The following ASCC3 variants were observed in gnomAD, a reference collection of about 807,000 sequenced individuals.
ASCC3 encodes the protein ASC-1 complex subunit P200.
ASCC3 carries 158 observed loss-of-function variants against 256.3 expected under a neutral mutation model. That is an observed-to-expected ratio of 0.62 (90% CI 0.54 to 0.70). ASCC3 has a LOEUF of 0.70. ASCC3 is among the 30% of genes least tolerant of loss of function. The probability of loss-of-function intolerance (pLI) is 0.00; values close to 1 mark genes in which losing one functional copy is unlikely to be tolerated. For missense variants in ASCC3, 2,259 were observed against 2,626.0 expected, an observed-to-expected ratio of 0.86 and a Z score of 3.05; for synonymous variants, 948 against 883.4, an observed-to-expected ratio of 1.07 and a Z score of -1.30.
At chr6:100,569,138 C>T (rs1409887357) in intron 36 of ASCC3, among the ~76,000 whole-genome samples, 1 of 151,980 alleles carries the variant, frequency 6.6e-6, no homozygotes, top group Admixed American at 6.6e-5. Context: ...CTTTAATACA[C>T]CTTGAGCTAA....
chr6:100,766,453 T>C (rs759678104), intron 10 of ASCC3, 112 bp downstream of exon 10: 245 of 1,146,672 alleles, frequency 2.1e-4, no homozygotes, highest in Admixed American at 4.4e-4. Flanking sequence ...AAGTTCACTA[T>C]ATTATGTTTG....
At chr6:100,709,962 C>T (rs776912168) in intron 13 of ASCC3, among the ~76,000 whole-genome samples, 5 of 152,072 alleles carry the variant, frequency 3.3e-5, no homozygotes, top group Admixed American at 2.0e-4. Flanking sequence ...CCCACTCTTA[C>T]GGAAAACGAA....
chr6:100,517,888 T>C, intron 38 of ASCC3, 103 bp downstream of exon 38: 3 of 1,260,002 alleles, frequency 2.4e-6, no homozygotes, highest in Non-Finnish European at 3.4e-6. Context: ...TCCATGTCAA[T>C]AATCAGTATT....
chr6:100,726,583 A>C (rs2115041165), intron 10 of ASCC3, among the ~76,000 whole-genome samples: 1 of 152,114 alleles, frequency 6.6e-6, no homozygotes, highest in South Asian at 2.1e-4. Flanking sequence ...AGCATTTTGG[A>C]TTTCAGATTT....
chr6:100,540,293 T>G lies in ASCC3; in HGVS notation c.5645A>C (p.His1882Pro), dbSNP rs538848203. Residue 1882 changes from histidine to proline, a missense_variant, in exon 37 of 42, where the codon CAT (histidine) becomes CCT (proline). By Grantham distance (77) the His-to-Pro change is moderately conservative. Coordinates refer to ENST00000369162, the MANE Select transcript of ASCC3 (RefSeq NM_006828.4). ...TTTGGTGTGAGGGCTGTCAAATGAA[T>G]GAGGATTTGATTCAATGGGAAGACA... ...AKCLPIESNP[H>P]SFDSPHTKAH... 1 of 1,613,852 alleles carries G rather than the reference T, an allele frequency of 6.2e-7. No homozygotes were observed. The highest frequency in any genetic ancestry group is 2.2e-5 in the East Asian group (1 of 44,862).
At chr6:100,862,055 G>C (rs1414196849) in intron 3 of ASCC3, among the ~76,000 whole-genome samples, 2 of 152,062 alleles carry the variant, frequency 1.3e-5, no homozygotes, top group Non-Finnish European at 2.9e-5. Context: ...TTTTTGAAAA[G>C]TACTTTAGTC....
intron 5 of ASCC3, among the ~76,000 whole-genome samples, chr6:100,805,373 G>C (rs1770123399): frequency 6.6e-6 from 1 of 152,190 alleles, no homozygotes; most frequent in Admixed American, 6.6e-5. Context: ...GAGCGAGAGG[G>C]AGTAGGGAAA....
chr6:100,850,620 G>A (rs1043389325), intron 3 of ASCC3, among the ~76,000 whole-genome samples: 1 of 152,144 alleles, frequency 6.6e-6, no homozygotes, highest in Non-Finnish European at 1.5e-5. Context: ...ATGTGTAGAA[G>A]ATTAACAGTT....
chr6:100,818,873 A>G (rs556687509), intron 4 of ASCC3, among the ~76,000 whole-genome samples: 39 of 152,264 alleles, frequency 2.6e-4, no homozygotes, highest in African/African-American at 6.7e-4. Context: ...AGATCAATAT[A>G]CAAAAATCAA....
intron 36 of ASCC3, among the ~76,000 whole-genome samples, chr6:100,581,955 G>T (rs935060996): frequency 1.9e-4 from 29 of 151,912 alleles, no homozygotes; most frequent in African/African-American, 6.5e-4. Flanking sequence ...CTCTGTTTTG[G>T]TACCAGTACC....
intron 10 of ASCC3, among the ~76,000 whole-genome samples, chr6:100,743,140 TG>T (rs1281510927): frequency 6.6e-6 from 1 of 152,080 alleles, no homozygotes; most frequent in Non-Finnish European, 1.5e-5. Context: ...GTTTCCCAGG[TG>T]GGGTCACACA....
chr6:100,747,245 G>C (rs890876559), intron 10 of ASCC3, among the ~76,000 whole-genome samples: 4 of 151,588 alleles, frequency 2.6e-5, no homozygotes, highest in Admixed American at 2.6e-4. Flanking sequence ...AAATTACAAA[G>C]AGTACTCATA....
At chr6:100,607,659 C>T (rs1582546862) in intron 30 of ASCC3, among the ~76,000 whole-genome samples, 1 of 151,554 alleles carries the variant, frequency 6.6e-6, no homozygotes, top group African/African-American at 2.4e-5. Context: ...TCCCTAAAGC[C>T]CTGTAATAGT....
At chr6:100,741,126 T>C (rs1337976267) in intron 10 of ASCC3, among the ~76,000 whole-genome samples, 1 of 152,212 alleles carries the variant, frequency 6.6e-6, no homozygotes, top group East Asian at 1.9e-4. Flanking sequence ...ATCTTCTTTC[T>C]CCTTTGCTTA....
intron 3 of ASCC3, among the ~76,000 whole-genome samples, chr6:100,854,619 G>C (rs1405088136): frequency 6.6e-6 from 1 of 152,108 alleles, no homozygotes; most frequent in African/African-American, 2.4e-5. Context: ...TTAATTTTAT[G>C]TACATTCGTT....
intron 13 of ASCC3, among the ~76,000 whole-genome samples, chr6:100,699,742 G>A (rs1228163306): frequency 2.6e-5 from 4 of 152,300 alleles, no homozygotes; most frequent in African/African-American, 9.6e-5. Context: ...GGTGGTCTTA[G>A]ATGGAGATGA....
chr6:100,865,645 T>C (rs952909669), intron 2 of ASCC3, among the ~76,000 whole-genome samples: 2 of 152,178 alleles, frequency 1.3e-5, no homozygotes, highest in African/African-American at 2.4e-5. Context: ...CTATTAGTTA[T>C]AAAACTGCAT....
chr6:100,599,628 A>AT lies in ASCC3; in HGVS notation c.5303+2181dup, dbSNP rs1231709728. ...AGGGTATACAGTGCTGCTTTGTACTATTTTTTTTTTTTGCAATTTAAAATA... is the reference window on the plus strand; with the variant it reads ...AGGGTATACAGTGCTGCTTTGTACTATTTTTTTTTTTTTGCAATTTAAAATA... On this transcript the variant is annotated intron_variant, in intron 34 of 41. Transcript: ENST00000369162. Among the ~76,000 whole-genome samples the AT allele has an allele frequency of 9.0e-3, 1,297 of 144,294 alleles. 20 individuals are homozygous for AT. The highest frequency in any genetic ancestry group is 0.028 in the African/African-American group (1,102 of 39,668). 94.7% of individuals were successfully genotyped at this position (144,294 alleles called of 152,430 possible). A position where few individuals can be genotyped will look rare whatever the true frequency, so the allele number is the denominator to read the frequency against.
intron 38 of ASCC3, 32 bp from the exon 39 acceptor site, chr6:100,516,359 T>C: frequency 6.2e-7 from 1 of 1,612,868 alleles, no homozygotes; most frequent in Non-Finnish European, 8.5e-7. Flanking sequence ...ACCAAATAAT[T>C]GTTTCACAGC....
Sources: gnomAD v4.1 joint callset for allele counts (sites outside exome capture counted in the v4.1 genomes callset) on GRCh38, gnomAD v4.1.1 for gene constraint, MANE v1.5 for transcripts, NCBI Gene and HGNC (gene_info 2026-07-23, HGNC 2026-07-21) for gene names.